Variants in CHD9 observed in about 807,000 individuals in gnomAD.
CHD9 encodes chromodomain helicase DNA binding protein 9.
In CHD9, 77 loss-of-function variants were observed where a neutral mutation model predicts 316.1. The ratio of observed to expected loss-of-function variants is 0.24; its 90% CI spans 0.20 to 0.29. The LOEUF (loss-of-function observed/expected upper bound fraction) is 0.29, where lower values mean the gene tolerates loss of function less well. Ranked by LOEUF, CHD9 falls within the 10% of genes least tolerant of loss-of-function variation. CHD9 has a pLI of 1.00. For missense variants in CHD9, 2,763 were observed against 3,438.1 expected (o/e 0.80, Z 4.91); for synonymous variants, 1,129 against 1,158.3 (o/e 0.97, Z 0.51).
chr16:53,264,740 A>G (rs1277839259), intron 20 of CHD9, among the ~76,000 whole-genome samples: 1 of 152,172 alleles, frequency 6.6e-6, no homozygotes, highest in Non-Finnish European at 1.5e-5. Flanking sequence ...GGAGACTTGA[A>G]TGAAGAGAAA....
intron 24 of CHD9, among the ~76,000 whole-genome samples, chr16:53,284,537 T>C (rs2053691801): frequency 6.6e-6 from 1 of 152,114 alleles, no homozygotes; most frequent in South Asian, 2.1e-4. Context: ...TTAGACATGT[T>C]ATATATGTAA....
chr16:53,107,291 C>A (rs939969007), intron 1 of CHD9, among the ~76,000 whole-genome samples: 87 of 151,880 alleles, frequency 5.7e-4, no homozygotes, highest in African/African-American at 2.1e-3. Context: ...GAAACCCCGT[C>A]TCTACTAAAA....
intron 16 of CHD9, among the ~76,000 whole-genome samples, chr16:53,249,364 A>G (rs992246454): frequency 3.9e-5 from 6 of 152,152 alleles, no homozygotes; most frequent in Admixed American, 3.9e-4. Context: ...GGGAAGGATA[A>G]AGGAAGTTAA....
intron 10 of CHD9, among the ~76,000 whole-genome samples, chr16:53,233,629 C>T (rs8061927): frequency 0.038 from 5,822 of 152,118 alleles, 379 homozygotes; most frequent in African/African-American, 0.13. Flanking sequence ...TCCCCTCCTT[C>T]CTTTCTGCCC....
chr16:53,161,477 T>G (rs1475940364), intron 2 of CHD9, among the ~76,000 whole-genome samples: 1 of 152,216 alleles, frequency 6.6e-6, no homozygotes, highest in Non-Finnish European at 1.5e-5. Flanking sequence ...TTCTGGGTTC[T>G]TTGTTGGGCT....
chr16:53,234,862 A>G (rs1374290469), intron 10 of CHD9, among the ~76,000 whole-genome samples: 1 of 149,966 alleles, frequency 6.7e-6, no homozygotes, highest in Non-Finnish European at 1.5e-5. Context: ...GCCCTTATAT[A>G]TTGTTAAGTT....
chr16:53,119,286 G>A (rs1036888012), intron 1 of CHD9, among the ~76,000 whole-genome samples: 1 of 151,782 alleles, frequency 6.6e-6, no homozygotes, highest in Non-Finnish European at 1.5e-5. Flanking sequence ...GGGGAGGGAA[G>A]AAGAAATATA....
intron 2 of CHD9, chr16:53,169,360 A>G (rs976348111): frequency 3.3e-5 from 5 of 152,188 alleles, no homozygotes; most frequent in African/African-American, 9.7e-5. Context: ...GCTTCTGGCT[A>G]AAGAGGACTT....
intron 2 of CHD9, among the ~76,000 whole-genome samples, chr16:53,182,038 C>T (rs372638789): frequency 2.6e-5 from 4 of 152,158 alleles, no homozygotes; most frequent in South Asian, 2.1e-4. Flanking sequence ...GAGAGTGCAC[C>T]GCTGCACTCC....
At chr16:53,265,471 G>A (rs1218402466) in intron 20 of CHD9, among the ~76,000 whole-genome samples, 1 of 151,994 alleles carries the variant, frequency 6.6e-6, no homozygotes, top group Non-Finnish European at 1.5e-5. Flanking sequence ...GTATGGTACT[G>A]ACAGAAAGAT....
intron 21 of CHD9, 60 bp downstream of exon 21, chr16:53,267,550 A>G: frequency 8.3e-7 from 1 of 1,198,680 alleles, no homozygotes; most frequent in Non-Finnish European, 1.2e-6. Flanking sequence ...TACAGAAAAT[A>G]TATACTGGTT....
At chr16:53,191,340 T>C (rs1285717042) in intron 2 of CHD9, among the ~76,000 whole-genome samples, 8 of 152,164 alleles carry the variant, frequency 5.3e-5, no homozygotes, top group African/African-American at 1.9e-4. Flanking sequence ...CTCTTTTTAG[T>C]GAACAGTTCT....
chr16:53,242,680 C>T (rs939883096), intron 12 of CHD9, among the ~76,000 whole-genome samples, 160 bp from the exon 13 acceptor site: 4 of 152,024 alleles, frequency 2.6e-5, no homozygotes, highest in African/African-American at 7.3e-5. Flanking sequence ...CAATATAATA[C>T]AGTTTCAATG....
rs1316773659 is a variant in CHD9 at position 53,297,031 on chromosome 16, C to G, written c.5586C>G (p.Gly1862=). Residue 1862 remains glycine (G), a synonymous_variant, in exon 30 of 39, where the codon GGC becomes GGG. Coordinates refer to ENST00000447540, the MANE Select transcript of CHD9 (RefSeq NM_001308319.2). ...TFGVVFDPDR[G]QFDWTKFRAM... ...GAGTGGTTTTTGACCCTGACAGAGGCCAATTTGATTGGACAAAATTTAGAG... is the reference window on the plus strand; with the variant it reads ...GAGTGGTTTTTGACCCTGACAGAGGGCAATTTGATTGGACAAAATTTAGAG... The G allele has an allele frequency of 1.9e-6, 3 of 1,613,448 alleles. No homozygotes were observed. In the African/African-American group the frequency reaches 4.0e-5, roughly 22 times the overall value.
Position 53,260,510 on chromosome 16 carries a change from A to T in CHD9, c.4210-2477A>T, listed in dbSNP as rs73601659. Among the ~76,000 whole-genome samples, 555 of 152,230 alleles carry T rather than the reference A, an allele frequency of 3.6e-3. 5 individuals carry two copies. The highest frequency in any genetic ancestry group is 0.012 in the African/African-American group (496 of 41,556). ...AAAAAGTTGAATATGAGTTTTTATA[A>T]TATGTGGTTTCTCGTTAAGAGTGTC... On this transcript the variant is annotated intron_variant, in intron 19 of 38. Coordinates refer to ENST00000447540, the MANE Select transcript of CHD9 (RefSeq NM_001308319.2).
chr16:53,150,208 T>C (rs1427234514), intron 1 of CHD9, among the ~76,000 whole-genome samples: 2 of 145,140 alleles, frequency 1.4e-5, no homozygotes, highest in African/African-American at 2.6e-5. Context: ...CAATTTCTTA[T>C]ATTTAGATTT....
rs34959429 is a variant in CHD9, at chr16:53,253,226, G to GTATA, written c.3862-1198_3862-1195dup. ...GTGTGTGGTGTGTATATATGTGTGT[G>GTATA]TATATATATATATATATGATAGGAT... On this transcript the variant is annotated intron_variant, in intron 17 of 38. Coordinates refer to ENST00000447540, the MANE Select transcript of CHD9 (RefSeq NM_001308319.2). Among the ~76,000 whole-genome samples the GTATA allele has an allele frequency of 3.0e-3, 440 of 149,132 alleles. 3 individuals are homozygous for GTATA. Among genetic ancestry groups the GTATA allele is most frequent in the African/African-American group, 6.3e-3 (255 of 40,704 alleles).
intron 1 of CHD9, among the ~76,000 whole-genome samples, chr16:53,069,894 G>GTT (rs991693025): frequency 6.8e-6 from 1 of 146,752 alleles, no homozygotes; most frequent in Non-Finnish European, 1.5e-5. Flanking sequence ...CCTTGTCAAC[G>GTT]TTTGTTATTT....
intron 2 of CHD9, among the ~76,000 whole-genome samples, chr16:53,188,606 T>TC (rs2044230419): frequency 8.2e-6 from 1 of 121,466 alleles, no homozygotes; most frequent in African/African-American, 3.2e-5. Context: ...CATTACCTTT[T>TC]TTTTTTTTTT....
Sources: allele counts gnomAD v4.1 joint callset (sites outside exome capture counted in the v4.1 genomes callset), GRCh38; gene constraint gnomAD v4.1.1; transcripts MANE v1.5; gene names NCBI Gene and HGNC (gene_info 2026-07-23, HGNC 2026-07-21).